Variants in C7 observed in about 807,000 individuals in gnomAD.
C7 encodes the protein complement C7.
In C7, 83 loss-of-function variants were observed where a neutral mutation model predicts 104.8. That is an observed-to-expected ratio of 0.79 (90% CI 0.66 to 0.95). C7 has a LOEUF of 0.95. Among genes scored for constraint, C7 ranks in the 40% least tolerant of loss-of-function variants. The probability of loss-of-function intolerance (pLI) is 0.00; values close to 1 mark genes in which losing one functional copy is unlikely to be tolerated. For missense variants in C7, 1,070 were observed against 1,011.2 expected (o/e 1.06, Z -0.79); for synonymous variants, 415 against 360.6 (o/e 1.15, Z -1.71).
intron 3 of C7, among the ~76,000 whole-genome samples, chr5:40,931,570 C>T (rs537979159): frequency 3.9e-4 from 52 of 133,376 alleles, no homozygotes; most frequent in Non-Finnish European, 6.2e-4. Flanking sequence ...TCACAAATAG[C>T]GAACAACCAT....
intron 2 of C7, among the ~76,000 whole-genome samples, chr5:40,928,945 G>A (rs1739614959): frequency 6.6e-6 from 1 of 152,222 alleles, no homozygotes; most frequent in Middle Eastern, 3.4e-3. Context: ...ATATCTTAGA[G>A]CAATATTTGA....
chr5:40,981,795 T>G lies in C7; in HGVS notation c.*222T>G. 2.4e-6 allele frequency: 1 copy of G among 423,158 alleles called. No individual in the cohort carries two copies. The highest frequency in any genetic ancestry group is 6.4e-5 in the South Asian group (1 of 15,682). 26.2% of individuals were successfully genotyped at this position (423,158 alleles called of 1,614,324 possible). Reference sequence around the variant, plus strand: ...TTAATGTCAGTAAGGATATGAGCCTTTGCACAGGCTGGCTGCGTGTTCTTG... The same window carrying G: ...TTAATGTCAGTAAGGATATGAGCCTGTGCACAGGCTGGCTGCGTGTTCTTG... On this transcript the variant is annotated 3_prime_UTR_variant, in exon 18 of 18. Transcript: ENST00000313164.
At chr5:40,920,506 A>C (rs1191942985) in intron 1 of C7, among the ~76,000 whole-genome samples, 1 of 151,608 alleles carries the variant, frequency 6.6e-6, no homozygotes, top group African/African-American at 2.4e-5. Flanking sequence ...ATGAGTAAAA[A>C]GATTGAATCT....
chr5:40,978,662 A>C (rs1740870927), intron 16 of C7, among the ~76,000 whole-genome samples: 1 of 152,168 alleles, frequency 6.6e-6, no homozygotes, highest in African/African-American at 2.4e-5. Context: ...AAAATATTAG[A>C]ACTAAATAAA....
At chr5:40,978,685 A>T (rs1740871293) in intron 16 of C7, among the ~76,000 whole-genome samples, 1 of 152,158 alleles carries the variant, frequency 6.6e-6, no homozygotes. Flanking sequence ...GTGTGAATAT[A>T]GACTCTTTCT....
At chr5:40,927,183 A>G (rs1395803376) in intron 1 of C7, among the ~76,000 whole-genome samples, 4 of 152,136 alleles carry the variant, frequency 2.6e-5, no homozygotes, top group African/African-American at 9.7e-5. Context: ...TATTGGGAAA[A>G]CTGGATATCC....
At position 40,962,132 on chromosome 5, in the gene C7, T is replaced by A; in HGVS notation, c.1709T>A (p.Phe570Tyr). The A allele has an allele frequency of 1.3e-6, 2 of 1,571,558 alleles. No homozygotes were observed. Among genetic ancestry groups the A allele is most frequent in the South Asian group, 2.4e-5 (2 of 83,032 alleles). The change falls in exon 13 of 18, where the codon TTC (phenylalanine) becomes TAC (tyrosine). Residue 570 changes from phenylalanine (F) to tyrosine (Y), a missense_variant. Transcript: ENST00000313164. Reference protein sequence around the residue: ...CFPLSLVPTEFCPSPPALKDG... With the variant: ...CFPLSLVPTEYCPSPPALKDG... ...CCTTTGTCTTTGGTTCCAACAGAAT[T>A]CTGTCCATCACCTCCTGCCTTGAAA...
intron 17 of C7, 31 bp downstream of exon 17, chr5:40,979,940 G>A: frequency 6.5e-7 from 1 of 1,530,016 alleles, no homozygotes; most frequent in Non-Finnish European, 8.8e-7. Flanking sequence ...GTAAGTATAA[G>A]AATGCTAAAG....
At position 40,936,355 on chromosome 5, in the gene C7, T is replaced by G. The variant is rs778166057; in HGVS notation, c.298T>G (p.Ser100Ala). 19 of 1,613,280 alleles carry G rather than the reference T, an allele frequency of 1.2e-5. No individual in the cohort carries two copies. The highest frequency in any genetic ancestry group is 1.5e-5 in the Non-Finnish European group (18 of 1,179,410). Reference sequence around the variant, plus strand: ...GTGTTCAGGTCAGTGCATCAGCAAATCATTGGTTTGCAATGGGGATTCTGA... The same window carrying G: ...GTGTTCAGGTCAGTGCATCAGCAAAGCATTGGTTTGCAATGGGGATTCTGA... ...RCFSGQCISK[S>A]LVCNGDSDCD... The change falls in exon 5 of 18, where the codon TCA becomes GCA. Residue 100 changes from serine (S) to alanine (A), a missense_variant. Transcript: ENST00000313164.
Position 40,958,266 on chromosome 5 carries a change from G to C in C7, c.1489+5G>C, listed in dbSNP as rs1740344334. On this transcript the variant is annotated splice_donor_5th_base_variant and intron_variant, in intron 11 of 17. Transcript: ENST00000313164. ...TCCTCGTAGGGAATCAAGCAGGTCAGTGGGGTGAATTTTCTCTAGCCACCC... is the reference window on the plus strand; with the variant it reads ...TCCTCGTAGGGAATCAAGCAGGTCACTGGGGTGAATTTTCTCTAGCCACCC... 4.4e-6 allele frequency: 7 copies of C among 1,576,692 alleles called. No individual in the cohort carries two copies. The East Asian group carries it at 1.6e-4, about 35-fold the overall frequency.
At chr5:40,937,898 T>A (rs62358580) in intron 6 of C7, among the ~76,000 whole-genome samples, 1 of 152,044 alleles carries the variant, frequency 6.6e-6, no homozygotes, top group Non-Finnish European at 1.5e-5. Flanking sequence ...TCATTCAAGC[T>A]GACATATCCT....
At chr5:40,974,533 A>G (rs902429534) in intron 15 of C7, among the ~76,000 whole-genome samples, 1 of 151,858 alleles carries the variant, frequency 6.6e-6, no homozygotes, top group African/African-American at 2.4e-5. Context: ...CTCCTGCCTC[A>G]GCCTCCTGAG....
intron 14 of C7, among the ~76,000 whole-genome samples, chr5:40,968,573 TA>T (rs1740612029): frequency 3.7e-5 from 2 of 54,592 alleles, no homozygotes; most frequent in South Asian, 6.7e-4. Flanking sequence ...ATATTTTATA[TA>T]TATATATATA....
intron 1 of C7, 146 bp from the exon 2 acceptor site, chr5:40,928,434 C>G (rs1739604859): frequency 1.7e-6 from 1 of 574,446 alleles, no homozygotes; most frequent in African/African-American, 2.0e-5. Context: ...GATATGTTAA[C>G]TGGCTTGATG....
intron 10 of C7, among the ~76,000 whole-genome samples, chr5:40,956,080 C>T (rs937766411): frequency 6.6e-6 from 1 of 151,826 alleles, no homozygotes; most frequent in African/African-American, 2.4e-5. Context: ...CAAAATTGCA[C>T]AATAAAGGGC....
In C7 at chr5:40,959,550, G is replaced by C; in HGVS notation, c.1591G>C (p.Gly531Arg). ...RECNNPPPSG[G>R]GRSCVGETTE... ...ATGCAATAACCCACCTCCCAGTGGG[G>C]GTGGGAGATCCTGCGTTGGAGAAAC... Residue 531 changes from glycine (G) to arginine (R), a missense_variant, in exon 12 of 18, where the codon GGT becomes CGT. Gly to Arg is a moderately radical substitution (Grantham distance 125). Transcript: ENST00000313164. The C allele has an allele frequency of 1.2e-6, 2 of 1,610,736 alleles. No individual in the cohort carries two copies. Among genetic ancestry groups the C allele is most frequent in the Non-Finnish European group, 1.7e-6 (2 of 1,178,922 alleles).
At chr5:40,944,905 G>A (rs569348468) in intron 6 of C7, among the ~76,000 whole-genome samples, 4 of 152,180 alleles carry the variant, frequency 2.6e-5, no homozygotes, top group South Asian at 2.1e-4. Context: ...TAATTTGCTC[G>A]CTTCTGGGCC....
intron 1 of C7, among the ~76,000 whole-genome samples, chr5:40,916,242 C>A (rs1444822399): frequency 6.6e-6 from 1 of 152,268 alleles, no homozygotes; most frequent in Middle Eastern, 3.4e-3. Flanking sequence ...AATGTAATCA[C>A]ATTTTATGTA....
At chr5:40,977,888 C>A (rs1165430221) in intron 16 of C7, among the ~76,000 whole-genome samples, 2 of 152,182 alleles carry the variant, frequency 1.3e-5, no homozygotes, top group Non-Finnish European at 2.9e-5. Flanking sequence ...ACTCCCAGCA[C>A]TTTGGGAGGC....
Sources: allele counts gnomAD v4.1 joint callset (sites outside exome capture counted in the v4.1 genomes callset), GRCh38; gene constraint gnomAD v4.1.1; transcripts MANE v1.5; gene names NCBI Gene and HGNC (gene_info 2026-07-23, HGNC 2026-07-21).